CCDC158: variants seen among roughly 807,000 people sequenced by gnomAD.
CCDC158 encodes coiled-coil domain-containing protein 158.
CCDC158 carries 116 observed loss-of-function variants against 138.6 expected under a neutral mutation model. The observed-to-expected ratio is 0.84, with a 90% CI of 0.72 to 0.98. The LOEUF (loss-of-function observed/expected upper bound fraction) is 0.98, where lower values mean the gene tolerates loss of function less well. CCDC158 is among the 50% of genes least tolerant of loss of function. The pLI, the probability that CCDC158 is intolerant of heterozygous loss-of-function variation, is 0.00. For missense variants in CCDC158, 1,265 were observed against 1,306.1 expected, an observed-to-expected ratio of 0.97 and a Z score of 0.48; for synonymous variants, 436 against 442.4, an observed-to-expected ratio of 0.99 and a Z score of 0.18.
chr4:76,404,398 C>G (rs1462661662), intron 2 of CCDC158, among the ~76,000 whole-genome samples: 1 of 152,082 alleles, frequency 6.6e-6, no homozygotes, highest in African/African-American at 2.4e-5. Flanking sequence ...AACATGAAGC[C>G]AAAGAAAACT....
intron 19 of CCDC158, among the ~76,000 whole-genome samples, chr4:76,333,368 A>G (rs1244816085): frequency 1.3e-5 from 2 of 152,184 alleles, no homozygotes; most frequent in Admixed American, 1.3e-4. Flanking sequence ...AAAATGCTTT[A>G]AGATAAGCTA....
Position 76,361,182 on chromosome 4 carries a change from C to T in CCDC158, c.2020+944G>A, listed in dbSNP as rs190822032. Among the ~76,000 whole-genome samples, 80 of 152,294 alleles carry T rather than the reference C, an allele frequency of 5.3e-4. 1 individual carries two copies. The highest frequency in any genetic ancestry group is 3.5e-3 in the South Asian group (17 of 4,824). On this transcript the variant is annotated intron_variant, in intron 13 of 24. Transcript: ENST00000682701. Reference sequence around the variant, plus strand: ...GTGCTTGCTTCTCCTTCATCTTCCACGATTTTAAGTTTCCTGAGGCCTCCA... The same window carrying T: ...GTGCTTGCTTCTCCTTCATCTTCCATGATTTTAAGTTTCCTGAGGCCTCCA...
chr4:76,384,187 G>A lies in CCDC158; in HGVS notation c.627C>T (p.Ser209=). 1 of 1,614,048 alleles carries A rather than the reference G, an allele frequency of 6.2e-7. No homozygotes were observed. Among genetic ancestry groups the A allele is most frequent in the Non-Finnish European group, 8.5e-7 (1 of 1,179,912 alleles). Residue 209 remains serine, a synonymous_variant, in exon 6 of 25, where the codon AGC becomes AGT. Coordinates refer to ENST00000682701, the MANE Select transcript of CCDC158 (RefSeq NM_001394954.1). ...ASGKKICEHD[S]MSTLHFRSLG... Reference sequence around the variant, plus strand: ...AGCTGCGGAAGTGCAGAGTAGACATGCTGTCATGTTCACATATTTTTTTGC... The same window carrying A: ...AGCTGCGGAAGTGCAGAGTAGACATACTGTCATGTTCACATATTTTTTTGC...
At chr4:76,362,364 A>C (rs976033203) in intron 12 of CCDC158, 49 bp from the exon 13 acceptor site, 1 of 1,362,352 alleles carries the variant, frequency 7.3e-7, no homozygotes, top group Non-Finnish European at 1.0e-6. Context: ...AAATATGTAC[A>C]TGTATAGTTA....
chr4:76,316,298 T>C (rs1448962411), intron 24 of CCDC158, among the ~76,000 whole-genome samples: 1 of 152,100 alleles, frequency 6.6e-6, no homozygotes, highest in Admixed American at 6.5e-5. Flanking sequence ...GACACACTTA[T>C]AGAAATACAA....
chr4:76,366,967 A>G (rs958255183), intron 12 of CCDC158, among the ~76,000 whole-genome samples: 10 of 152,116 alleles, frequency 6.6e-5, no homozygotes, highest in African/African-American at 2.4e-4. Context: ...TTTCACTGTA[A>G]CTAAGTAGTG....
intron 9 of CCDC158, among the ~76,000 whole-genome samples, chr4:76,377,139 T>G (rs1725792035): frequency 6.6e-6 from 1 of 152,150 alleles, no homozygotes; most frequent in African/African-American, 2.4e-5. Context: ...TCCCAATATG[T>G]CCAAATCAGC....
chr4:76,358,873 A>C (rs2110202455), intron 13 of CCDC158, among the ~76,000 whole-genome samples: 1 of 152,276 alleles, frequency 6.6e-6, no homozygotes, highest in Non-Finnish European at 1.5e-5. Flanking sequence ...AATGCTCAGT[A>C]ACTTCTGACT....
intron 11 of CCDC158, 81 bp downstream of exon 11, chr4:76,369,344 TA>T (rs1234578482): frequency 2.9e-5 from 40 of 1,360,524 alleles, no homozygotes; most frequent in Non-Finnish European, 3.7e-5. Context: ...ATGTTAAAAA[TA>T]AAAAGCTCTA....
At chr4:76,329,019 T>C in intron 21 of CCDC158, 52 bp from the exon 22 acceptor site, 1 of 1,398,568 alleles carries the variant, frequency 7.2e-7, no homozygotes, top group Non-Finnish European at 1.0e-6. Context: ...AACACAGTAC[T>C]AAGATTCATA....
chr4:76,408,959 G>A (rs1381575608), intron 2 of CCDC158, among the ~76,000 whole-genome samples: 1 of 152,138 alleles, frequency 6.6e-6, no homozygotes, highest in Non-Finnish European at 1.5e-5. Context: ...TTTTTCACGT[G>A]TCTTTTGGCT....
intron 18 of CCDC158, among the ~76,000 whole-genome samples, chr4:76,343,749 C>T (rs1267365658): frequency 6.6e-5 from 10 of 151,982 alleles, no homozygotes; most frequent in Admixed American, 4.6e-4. Context: ...CACAGTGAGC[C>T]GAGATCATGC....
At chr4:76,397,314 A>G (rs1727911769) in intron 3 of CCDC158, among the ~76,000 whole-genome samples, 1 of 152,174 alleles carries the variant, frequency 6.6e-6, no homozygotes, top group Non-Finnish European at 1.5e-5. Context: ...TAGGGATGGG[A>G]GCAAGACTCT....
At position 76,384,623 on chromosome 4, in the gene CCDC158, A is replaced by C. The variant is rs1726613684; in HGVS notation, c.331T>G (p.Ser111Ala). The change falls in exon 5 of 25, where the codon TCA (serine) becomes GCA (alanine). Residue 111 changes from serine to alanine, a missense_variant. Physicochemically the swap from Ser to Ala is moderately conservative, Grantham distance 99. Coordinates refer to ENST00000682701, the MANE Select transcript of CCDC158 (RefSeq NM_001394954.1). Reference protein sequence around the residue: ...HEKQKFYLRQSVIDLQTKLQE... With the variant: ...HEKQKFYLRQAVIDLQTKLQE... ...AGTTTTGTTTGCAAATCAATGACTG[A>C]CTGCCTCAAATAAAACTTTTGTTTC... 1 of 1,613,666 alleles carries C rather than the reference A, an allele frequency of 6.2e-7. No homozygotes were observed. Among genetic ancestry groups the C allele is most frequent in the Non-Finnish European group, 8.5e-7 (1 of 1,179,848 alleles).
In CCDC158 at chr4:76,334,036, T is replaced by C; in HGVS notation, c.2796A>G (p.Thr932=). Residue 932 remains threonine, a synonymous_variant, in exon 19 of 25, where the codon ACA becomes ACG. Coordinates refer to ENST00000682701, the MANE Select transcript of CCDC158 (RefSeq NM_001394954.1). The part of the protein sequence containing the change: ...SLSKTEEDGR[T]SLGALYVAVE... ...CAGCCACATACAAGGCTCCCAGAGATGTTCTTCCATCTTCCTCTGTCTTGC... is the reference window on the plus strand; with the variant it reads ...CAGCCACATACAAGGCTCCCAGAGACGTTCTTCCATCTTCCTCTGTCTTGC... The C allele has an allele frequency of 6.2e-7, 1 of 1,613,018 alleles. No homozygotes were observed.
chr4:76,350,390 G>C (rs1283419437), intron 18 of CCDC158, among the ~76,000 whole-genome samples: 1 of 152,112 alleles, frequency 6.6e-6, no homozygotes, highest in Non-Finnish European at 1.5e-5. Context: ...TAATTTAATT[G>C]ATTTTCATGT....
At chr4:76,398,519 T>G (rs1728035336) in intron 3 of CCDC158, among the ~76,000 whole-genome samples, 3 of 151,736 alleles carry the variant, frequency 2.0e-5, no homozygotes, top group Non-Finnish European at 4.4e-5. Context: ...ATACAAAAAA[T>G]TAGCCAGGTG....
rs79114112 is a variant in CCDC158 at position 76,370,364 on chromosome 4, G to C, written c.1150-741C>G. 2.3e-3 allele frequency among the ~76,000 whole-genome samples: 345 copies of C among 152,334 alleles called. 10 individuals are homozygous for C. The East Asian group carries it at 0.057, about 25-fold the overall frequency. The stretch of plus-strand genomic sequence containing the variant: ...GGAAGAAGGGACAGGAAAGGGGCCT[G>C]TGTGTTTGCTTGGTGCACTGGGTCC... On this transcript the variant is annotated intron_variant, in intron 10 of 24. Transcript: ENST00000682701.
chr4:76,334,098 T>C lies in CCDC158; in HGVS notation c.2734A>G (p.Arg912Gly), dbSNP rs370480373. The change falls in exon 19 of 25, where the codon AGA (arginine) becomes GGA (glycine). Residue 912 changes from arginine (R) to glycine (G), a missense_variant. Coordinates refer to ENST00000682701, the MANE Select transcript of CCDC158 (RefSeq NM_001394954.1). Reference protein sequence around the residue: ...RDLKQLLQELRSVINEEPAVS... With the variant: ...RDLKQLLQELGSVINEEPAVS... ...GCTGGCTCCTCATTGATCACGCTTC[T>C]CAACTCTTGGAGAAGCTGTTTCAGG... The C allele has an allele frequency of 6.2e-6, 10 of 1,613,894 alleles. No homozygotes were observed. Among genetic ancestry groups the C allele is most frequent in the Non-Finnish European group, 8.5e-6 (10 of 1,179,780 alleles).
Sources: allele counts gnomAD v4.1 joint callset (sites outside exome capture counted in the v4.1 genomes callset), GRCh38; gene constraint gnomAD v4.1.1; transcripts MANE v1.5; gene names NCBI Gene and HGNC (gene_info 2026-07-23, HGNC 2026-07-21).